GUCY1A2: variants seen among roughly 807,000 people sequenced by gnomAD.
The protein encoded by GUCY1A2 is guanylate cyclase soluble subunit alpha-2.
GUCY1A2 carries 27 observed loss-of-function variants against 63.5 expected under a neutral mutation model. The observed-to-expected ratio is 0.43, with a 90% CI of 0.31 to 0.59. GUCY1A2 has a LOEUF of 0.59. GUCY1A2 is among the 20% of genes least tolerant of loss of function. The pLI is 0.11. For synonymous variants in GUCY1A2, 364 were observed against 343.5 expected (o/e 1.06, Z -0.66); for missense variants, 768 against 913.3 (o/e 0.84, Z 2.05).
intron 1 of GUCY1A2, among the ~76,000 whole-genome samples, chr11:106,998,001 T>C (rs972202037): frequency 6.6e-6 from 1 of 152,154 alleles, no homozygotes; most frequent in Non-Finnish European, 1.5e-5. Context: ...ATGTCACTAA[T>C]GCCTTGTATC....
chr11:106,689,396 T>C (rs756987664), intron 7 of GUCY1A2, among the ~76,000 whole-genome samples: 1 of 152,170 alleles, frequency 6.6e-6, no homozygotes, highest in Non-Finnish European at 1.5e-5. Flanking sequence ...CATTTCAAAA[T>C]TCTTTCAAAA....
At chr11:106,722,862 C>T (rs1863341067) in intron 6 of GUCY1A2, among the ~76,000 whole-genome samples, 1 of 151,350 alleles carries the variant, frequency 6.6e-6, no homozygotes, top group Non-Finnish European at 1.5e-5. Flanking sequence ...GCATATAGAA[C>T]CAGAATGGTT....
At chr11:106,791,805 G>T (rs10890587) in intron 5 of GUCY1A2, among the ~76,000 whole-genome samples, 30,398 of 151,946 alleles carry the variant, frequency 0.2, 3,174 homozygotes, top group South Asian at 0.28. Context: ...TAATACATTT[G>T]ATTCCTTTAG....
Position 106,683,012 on chromosome 11 carries a change from G to A in GUCY1A2, c.*4537C>T. 4.6e-6 allele frequency: 1 copy of A among 216,878 alleles called. No homozygotes were observed. Among genetic ancestry groups the A allele is most frequent in the East Asian group, 6.8e-5 (1 of 14,724 alleles). The allele number at this position is 216,878 out of a possible 1,614,324, so 13.4% of individuals were successfully genotyped here. A position where few individuals can be genotyped will look rare whatever the true frequency, so the allele number is the denominator to read the frequency against. On this transcript the variant is annotated 3_prime_UTR_variant, in exon 8 of 8. Coordinates refer to ENST00000526355, the MANE Select transcript of GUCY1A2 (RefSeq NM_000855.3). ...TCTTGAAATTGAGTCCATAGCTGAGGTCAACTTACCCATTTAACAATAAAT... is the reference window on the plus strand; with the variant it reads ...TCTTGAAATTGAGTCCATAGCTGAGATCAACTTACCCATTTAACAATAAAT...
chr11:106,744,982 C>T (rs1312408565), intron 6 of GUCY1A2, among the ~76,000 whole-genome samples: 1 of 151,882 alleles, frequency 6.6e-6, no homozygotes, highest in Non-Finnish European at 1.5e-5. Flanking sequence ...GTGTAAACTA[C>T]TTTGTATAAA....
intron 2 of GUCY1A2, among the ~76,000 whole-genome samples, chr11:106,985,183 G>A (rs1307734577): frequency 6.6e-6 from 1 of 152,216 alleles, no homozygotes; most frequent in Non-Finnish European, 1.5e-5. Flanking sequence ...AAGTACCACA[G>A]TTTGAATCTT....
At chr11:106,878,069 C>G (rs1859774576) in intron 4 of GUCY1A2, among the ~76,000 whole-genome samples, 1 of 151,860 alleles carries the variant, frequency 6.6e-6, no homozygotes. Context: ...CAAATCAAAA[C>G]CACAATGAAA....
rs1035934184 is a variant in GUCY1A2, at chr11:106,682,657, C to A, written c.*4892G>T. 4.3e-5 allele frequency: 9 copies of A among 211,374 alleles called. No homozygotes were observed. Among genetic ancestry groups the A allele is most frequent in the Non-Finnish European group, 8.6e-5 (9 of 104,192 alleles). 13.1% of individuals were successfully genotyped at this position (211,374 alleles called of 1,614,324 possible). A position where few individuals can be genotyped will look rare whatever the true frequency, so the allele number is the denominator to read the frequency against. On this transcript the variant is annotated 3_prime_UTR_variant, in exon 8 of 8. Coordinates refer to ENST00000526355, the MANE Select transcript of GUCY1A2 (RefSeq NM_000855.3). ...TCCCAAGTCCTTCCAAAGAAACTTA[C>A]TTCTTTCAATCATGAAACATCTACA... is the stretch of plus-strand genomic sequence containing the variant.
chr11:106,777,602 T>C (rs547197051), intron 5 of GUCY1A2, among the ~76,000 whole-genome samples: 1 of 151,538 alleles, frequency 6.6e-6, no homozygotes, highest in African/African-American at 2.4e-5. Context: ...ACACTGCATG[T>C]TCTCACTCAT....
At chr11:106,873,175 G>A (rs1297662961) in intron 4 of GUCY1A2, among the ~76,000 whole-genome samples, 1 of 152,090 alleles carries the variant, frequency 6.6e-6, no homozygotes. Flanking sequence ...ATCATTGATG[G>A]GCATTTGGGA....
chr11:106,837,181 T>C (rs1859128717), intron 4 of GUCY1A2, among the ~76,000 whole-genome samples: 1 of 151,994 alleles, frequency 6.6e-6, no homozygotes, highest in African/African-American at 2.4e-5. Flanking sequence ...CAGTGTCTAT[T>C]GTTTCCCTCT....
chr11:106,962,338 T>A (rs1252211890), intron 3 of GUCY1A2, among the ~76,000 whole-genome samples: 1 of 151,536 alleles, frequency 6.6e-6, no homozygotes, highest in African/African-American at 2.4e-5. Flanking sequence ...GATCATGAGG[T>A]CAGGAGATCG....
At chr11:106,848,417 T>C (rs1354509208) in intron 4 of GUCY1A2, among the ~76,000 whole-genome samples, 3 of 151,600 alleles carry the variant, frequency 2.0e-5, no homozygotes, top group Non-Finnish European at 4.4e-5. Context: ...CAACATTTGA[T>C]TGGATACTCA....
At chr11:106,761,331 C>A (rs1256130949) in intron 6 of GUCY1A2, among the ~76,000 whole-genome samples, 1 of 152,128 alleles carries the variant, frequency 6.6e-6, no homozygotes, top group East Asian at 1.9e-4. Flanking sequence ...ATATAATTAT[C>A]CTTTTGTAAA....
At chr11:106,785,795 G>A (rs573893768) in intron 5 of GUCY1A2, among the ~76,000 whole-genome samples, 2 of 151,850 alleles carry the variant, frequency 1.3e-5, no homozygotes, top group African/African-American at 4.8e-5. Context: ...AGCTTCAGTT[G>A]TTTTAAATGA....
Position 106,679,573 on chromosome 11 carries a change from C to A in GUCY1A2, c.*7976G>T, listed in dbSNP as rs1389205700. On this transcript the variant is annotated 3_prime_UTR_variant, in exon 8 of 8. Transcript: ENST00000526355. ...AATTTATTTAATGTCAGAACAACAA[C>A]AAATGTTTTTAAATGATTCATAAGA... The A allele has an allele frequency of 7.3e-5, 15 of 204,904 alleles. No individual in the cohort carries two copies. The highest frequency in any genetic ancestry group is 1.1e-4 in the Non-Finnish European group (11 of 100,214). 12.7% of individuals were successfully genotyped at this position (204,904 alleles called of 1,614,324 possible).
In GUCY1A2 at chr11:107,017,759, C is replaced by T. The variant is rs1861844310; in HGVS notation, c.297G>A (p.Ala99=). Residue 99 remains alanine (A), a synonymous_variant, in exon 1 of 8, where the codon GCG becomes GCA. Coordinates refer to ENST00000526355, the MANE Select transcript of GUCY1A2 (RefSeq NM_000855.3). ...SLGESISRLT[A]PSPQTIQQTL... is the part of the protein sequence containing the mutation. ...CCTTCCGCCCCCCGCTCACCGAGGG[C>T]GCCGTCAGGCGGCTGATGCTCTCGC... 3 of 1,410,414 alleles carry T rather than the reference C, an allele frequency of 2.1e-6. No individual in the cohort carries two copies. Among genetic ancestry groups the T allele is most frequent in the Admixed American group, 2.5e-5 (1 of 39,930 alleles). 87.4% of individuals were successfully genotyped at this position (1,410,414 alleles called of 1,614,324 possible).
intron 4 of GUCY1A2, among the ~76,000 whole-genome samples, chr11:106,866,108 T>G (rs1267072343): frequency 6.6e-6 from 1 of 151,948 alleles, no homozygotes; most frequent in African/African-American, 2.4e-5. Flanking sequence ...GCAGTGTATG[T>G]GGTGCAAAAA....
At chr11:106,987,177 G>A (rs1008704811) in intron 1 of GUCY1A2, among the ~76,000 whole-genome samples, 1 of 152,118 alleles carries the variant, frequency 6.6e-6, no homozygotes, top group Non-Finnish European at 1.5e-5. Flanking sequence ...GAATTCTTGG[G>A]GAATACGAAT....
Sources: gnomAD v4.1 joint callset for allele counts (sites outside exome capture counted in the v4.1 genomes callset) on GRCh38, gnomAD v4.1.1 for gene constraint, MANE v1.5 for transcripts, NCBI Gene and HGNC (gene_info 2026-07-23, HGNC 2026-07-21) for gene names.